Variants in USP4 observed in about 807,000 individuals in gnomAD.
USP4 encodes the protein ubiquitin specific peptidase 4.
A neutral mutation model predicts 118.2 loss-of-function variants in USP4; 72 were observed. The observed-to-expected ratio is 0.61, with a 90% confidence interval of 0.50 to 0.74. USP4 has a LOEUF of 0.74. Among genes scored for constraint, USP4 ranks in the 30% least tolerant of loss-of-function variants. The probability of loss-of-function intolerance (pLI) is 0.00; values close to 1 mark genes in which losing one functional copy is unlikely to be tolerated. For missense variants in USP4, 1,037 were observed against 1,185.7 expected (o/e 0.87, Z 1.84); for synonymous variants, 415 against 440.4 (o/e 0.94, Z 0.72).
intron 1 of USP4, among the ~76,000 whole-genome samples, chr3:49,339,127 A>G (rs1397462152): frequency 6.6e-6 from 1 of 152,242 alleles, no homozygotes; most frequent in Non-Finnish European, 1.5e-5. Context: ...AGCTTGGGCA[A>G]CAAGAGTGAA....
intron 15 of USP4, among the ~76,000 whole-genome samples, chr3:49,286,816 CTCTATCTATCTATCTATCTA>C (rs57920190): frequency 1.8e-4 from 26 of 141,344 alleles, no homozygotes; most frequent in African/African-American, 2.4e-4. Context: ...ACTCTAGCCA[CTCTATCTATCTATCTATCTA>C]TCTATCTATC....
chr3:49,339,552 T>C (rs1410566626), intron 1 of USP4, among the ~76,000 whole-genome samples: 4 of 152,226 alleles, frequency 2.6e-5, no homozygotes, highest in Non-Finnish European at 5.9e-5. Context: ...CAAATATTGC[T>C]ATCCTGGTTT....
intron 2 of USP4, among the ~76,000 whole-genome samples, chr3:49,335,092 T>C (rs539133178): frequency 6.6e-6 from 1 of 152,266 alleles, no homozygotes; most frequent in East Asian, 1.9e-4. Flanking sequence ...AGTTCACAGG[T>C]TTACAATTTG....
intron 16 of USP4, 49 bp downstream of exon 16, chr3:49,286,049 G>T: frequency 6.4e-7 from 1 of 1,566,102 alleles, no homozygotes; most frequent in Non-Finnish European, 8.8e-7. Context: ...TTTTCAAACA[G>T]ATCCTAAGAC....
intron 19 of USP4, among the ~76,000 whole-genome samples, chr3:49,283,549 C>T (rs72940882): frequency 0.035 from 5,343 of 152,188 alleles, 303 homozygotes; most frequent in African/African-American, 0.12. Flanking sequence ...AGTCCCAATC[C>T]CTACCCCAGG....
At chr3:49,330,972 C>T (rs562249805) in intron 2 of USP4, among the ~76,000 whole-genome samples, 3 of 146,294 alleles carry the variant, frequency 2.1e-5, no homozygotes, top group Non-Finnish European at 4.5e-5. Context: ...GAGCCGAGAT[C>T]GCGCCACTGC....
At chr3:49,300,360 G>A in intron 11 of USP4, 107 bp downstream of exon 11, 1 of 989,496 alleles carries the variant, frequency 1.0e-6, no homozygotes. Flanking sequence ...ACCCAGGCAA[G>A]TACCAAGGGG....
chr3:49,325,296 T>G (rs977070682), intron 4 of USP4, among the ~76,000 whole-genome samples: 2 of 152,072 alleles, frequency 1.3e-5, no homozygotes, highest in South Asian at 4.1e-4. Context: ...CGAGAAAGCT[T>G]ATCTTTGGAG....
intron 8 of USP4, among the ~76,000 whole-genome samples, chr3:49,307,547 C>T (rs2047332012): frequency 6.6e-6 from 1 of 152,052 alleles, no homozygotes; most frequent in Non-Finnish European, 1.5e-5. Context: ...ATTTGAACCT[C>T]CCAAATCACT....
At chr3:49,309,619 C>CTTTTTTT (rs35128646) in intron 8 of USP4, among the ~76,000 whole-genome samples, 9 of 79,398 alleles carry the variant, frequency 1.1e-4, no homozygotes, top group Non-Finnish European at 1.6e-4. Context: ...GGCGGGACAG[C>CTTTTTTT]TTTTTTTTTT....
chr3:49,339,602 G>A (rs574000065), intron 1 of USP4, among the ~76,000 whole-genome samples: 1 of 152,320 alleles, frequency 6.6e-6, no homozygotes, highest in East Asian at 1.9e-4. Context: ...CTTCGCCCAA[G>A]GTCACACGGC....
rs2046988815 is a variant in USP4, at chr3:49,278,909, A to G, written c.2645-7T>C. On this transcript the variant is annotated splice_region_variant and splice_polypyrimidine_tract_variant and intron_variant, in intron 20 of 21. Coordinates refer to ENST00000265560, the MANE Select transcript of USP4 (RefSeq NM_003363.4). ...TTCTTCGCATATGCAGTGTCTGCCA[A>G]GTCAACAAAGAAAATACTCTAGCGG... The G allele has an allele frequency of 6.3e-7, 1 of 1,598,714 alleles. No individual in the cohort carries two copies. The highest frequency in any genetic ancestry group is 1.3e-5 in the African/African-American group (1 of 74,394).
intron 13 of USP4, among the ~76,000 whole-genome samples, chr3:49,295,061 G>A (rs1237362925): frequency 3.9e-5 from 6 of 152,068 alleles, no homozygotes; most frequent in African/African-American, 9.7e-5. Flanking sequence ...AGGCCAAGGC[G>A]GGCGGATCAC....
intron 15 of USP4, among the ~76,000 whole-genome samples, chr3:49,287,094 C>T (rs1373271442): frequency 6.6e-6 from 1 of 152,040 alleles, no homozygotes; most frequent in Non-Finnish European, 1.5e-5. Context: ...TCAGATGATC[C>T]ACCGGCCTTG....
chr3:49,316,291 C>CTTTA (rs1212644376), intron 6 of USP4, among the ~76,000 whole-genome samples: 2 of 145,078 alleles, frequency 1.4e-5, no homozygotes, highest in Admixed American at 1.3e-4. Context: ...TTTAATTTAA[C>CTTTA]TTTATTTATT....
chr3:49,286,652 C>T (rs1575601364), intron 15 of USP4, among the ~76,000 whole-genome samples: 1 of 152,112 alleles, frequency 6.6e-6, no homozygotes, highest in Non-Finnish European at 1.5e-5. Context: ...TGCAACTTCA[C>T]CATTAGGCCC....
chr3:49,329,966 C>G (rs2047596110), intron 2 of USP4, among the ~76,000 whole-genome samples: 1 of 151,988 alleles, frequency 6.6e-6, no homozygotes, highest in Non-Finnish European at 1.5e-5. Context: ...ATGGTGAAAC[C>G]TGGTCTCTAC....
At position 49,280,772 on chromosome 3, in the gene USP4, A is replaced by G; in HGVS notation, c.2616T>C (p.Asn872=). 1 of 1,614,142 alleles carries G rather than the reference A, an allele frequency of 6.2e-7. No homozygotes were observed. The highest frequency in any genetic ancestry group is 1.3e-5 in the African/African-American group (1 of 75,040). The change falls in exon 20 of 22, where the codon AAT becomes AAC. Residue 872 remains asparagine (N), a synonymous_variant. Transcript: ENST00000265560. ...PYVYDLIAVS[N]HYGAMGVGHY... ...GGCCAACCCCCATGGCTCCATAATG[A>G]TTGGACACGGCAATGAGGTCGTACA... is the stretch of plus-strand genomic sequence containing the variant.
At chr3:49,306,741 A>G (rs781423450) in intron 8 of USP4, among the ~76,000 whole-genome samples, 7 of 152,140 alleles carry the variant, frequency 4.6e-5, no homozygotes, top group Admixed American at 2.0e-4. Context: ...CCTCTTCTTC[A>G]GTACTAGGCT....
Sources: gnomAD v4.1 joint callset for allele counts (sites outside exome capture counted in the v4.1 genomes callset) on GRCh38, gnomAD v4.1.1 for gene constraint, MANE v1.5 for transcripts, NCBI Gene and HGNC (gene_info 2026-07-23, HGNC 2026-07-21) for gene names.